Variants in PPM1E observed in about 807,000 individuals in gnomAD.
PPM1E encodes protein phosphatase 1E.
A neutral mutation model predicts 65.9 loss-of-function variants in PPM1E; 20 were observed. The ratio of observed to expected loss-of-function variants is 0.30; its 90% CI spans 0.21 to 0.44. The LOEUF is 0.44. Ranked by LOEUF, PPM1E falls within the 20% of genes least tolerant of loss-of-function variation. PPM1E has a pLI of 1.00. For synonymous variants in PPM1E, 352 were observed against 374.9 expected (o/e 0.94, Z 0.70); for missense variants, 713 against 953.1 (o/e 0.75, Z 3.32).
At position 58,763,407 on chromosome 17, in the gene PPM1E, T is replaced by C. The variant is rs544560806; in HGVS notation, c.464+6946T>C. 3.9e-5 allele frequency among the ~76,000 whole-genome samples: 6 copies of C among 152,234 alleles called. No individual in the cohort carries two copies. In the South Asian group the frequency reaches 1.2e-3, roughly 32 times the overall value. Reference sequence around the variant, plus strand: ...CATTTTCCATTGGCTAGAATTCAAGTCATATGACACCACCTGGGACCTACA... The same window carrying C: ...CATTTTCCATTGGCTAGAATTCAAGCCATATGACACCACCTGGGACCTACA... On this transcript the variant is annotated intron_variant, in intron 1 of 6. Transcript: ENST00000308249.
chr17:58,929,437 T>C (rs1325398140), intron 1 of PPM1E, among the ~76,000 whole-genome samples: 1 of 152,220 alleles, frequency 6.6e-6, no homozygotes, highest in Non-Finnish European at 1.5e-5. Flanking sequence ...TGTTTTATTA[T>C]ATGTAAATTT....
At chr17:58,790,231 ATT>A (rs930640880) in intron 1 of PPM1E, among the ~76,000 whole-genome samples, 1 of 146,292 alleles carries the variant, frequency 6.8e-6, no homozygotes. Context: ...GCTAATTAAA[ATT>A]TTTTTTTTTT....
intron 1 of PPM1E, among the ~76,000 whole-genome samples, chr17:58,799,119 C>T (rs1318394136): frequency 2.6e-5 from 4 of 152,090 alleles, no homozygotes; most frequent in Admixed American, 6.6e-5. Context: ...GTTGTTCTGG[C>T]GCTATTTGTT....
At chr17:58,910,469 T>A (rs2051614395) in intron 1 of PPM1E, among the ~76,000 whole-genome samples, 1 of 152,198 alleles carries the variant, frequency 6.6e-6, no homozygotes, top group Non-Finnish European at 1.5e-5. Context: ...GGTATGATAA[T>A]CCCAACCTCT....
intron 1 of PPM1E, among the ~76,000 whole-genome samples, chr17:58,895,187 A>T (rs1340193061): frequency 6.6e-6 from 1 of 152,084 alleles, no homozygotes; most frequent in African/African-American, 2.4e-5. Context: ...GAACTTAATA[A>T]ATATTGTGTG....
intron 6 of PPM1E, among the ~76,000 whole-genome samples, chr17:58,978,530 G>C (rs1263716889): frequency 6.6e-6 from 1 of 152,040 alleles, no homozygotes; most frequent in African/African-American, 2.4e-5. Flanking sequence ...GGCCAATATG[G>C]TGAAACCCCG....
At chr17:58,949,891 C>A (rs2052212736) in intron 1 of PPM1E, among the ~76,000 whole-genome samples, 1 of 152,112 alleles carries the variant, frequency 6.6e-6, no homozygotes, top group African/African-American at 2.4e-5. Context: ...ATATTCTTGG[C>A]TAGCTGAGTT....
At chr17:58,872,743 C>T (rs767191102) in intron 1 of PPM1E, among the ~76,000 whole-genome samples, 51 of 152,152 alleles carry the variant, frequency 3.4e-4, no homozygotes, top group Non-Finnish European at 5.6e-4. Context: ...ACCCCAAACA[C>T]GTGGGAGCAA....
At chr17:58,968,669 T>C (rs890955501) in intron 3 of PPM1E, among the ~76,000 whole-genome samples, 1 of 152,170 alleles carries the variant, frequency 6.6e-6, no homozygotes, top group Non-Finnish European at 1.5e-5. Flanking sequence ...CAGGACTCAG[T>C]GCGAGTTCAG....
intron 1 of PPM1E, among the ~76,000 whole-genome samples, chr17:58,881,269 C>T (rs536784487): frequency 6.6e-6 from 1 of 152,334 alleles, no homozygotes; most frequent in African/African-American, 2.4e-5. Flanking sequence ...TGGCTCATCC[C>T]TGTAATCGCA....
At chr17:58,778,178 C>A (rs1213610734) in intron 1 of PPM1E, among the ~76,000 whole-genome samples, 1 of 152,048 alleles carries the variant, frequency 6.6e-6, no homozygotes, top group African/African-American at 2.4e-5. Context: ...CGGCTCCCTG[C>A]AAACTCCGCC....
At chr17:58,965,491 C>A (rs1310425977) in intron 2 of PPM1E, among the ~76,000 whole-genome samples, 1 of 152,106 alleles carries the variant, frequency 6.6e-6, no homozygotes, top group Non-Finnish European at 1.5e-5. Flanking sequence ...TATTTAGTGG[C>A]AGCTGCAGGC....
At chr17:58,876,540 A>G (rs1454368896) in intron 1 of PPM1E, among the ~76,000 whole-genome samples, 1 of 152,174 alleles carries the variant, frequency 6.6e-6, no homozygotes, top group East Asian at 1.9e-4. Flanking sequence ...ATACTGGCAA[A>G]CTAAAAATAT....
chr17:58,866,174 T>G (rs543073185), intron 1 of PPM1E, among the ~76,000 whole-genome samples: 2 of 152,340 alleles, frequency 1.3e-5, no homozygotes, highest in South Asian at 2.1e-4. Flanking sequence ...GTTAGCTTTT[T>G]TCTTGATTAG....
intron 1 of PPM1E, among the ~76,000 whole-genome samples, chr17:58,849,946 T>A (rs1394384188): frequency 6.6e-6 from 1 of 152,238 alleles, no homozygotes; most frequent in Admixed American, 6.5e-5. Flanking sequence ...GAACTTGCTT[T>A]ATGAATCTGG....
intron 1 of PPM1E, among the ~76,000 whole-genome samples, chr17:58,882,831 C>A (rs1250018292): frequency 6.6e-6 from 1 of 151,996 alleles, no homozygotes; most frequent in African/African-American, 2.4e-5. Flanking sequence ...TTATGTCTGT[C>A]ATCAAAATTC....
At chr17:58,936,416 G>A (rs2051981127) in intron 1 of PPM1E, among the ~76,000 whole-genome samples, 1 of 152,250 alleles carries the variant, frequency 6.6e-6, no homozygotes, top group South Asian at 2.1e-4. Context: ...GGGCTGAGAT[G>A]AGGCTGCTCC....
intron 1 of PPM1E, among the ~76,000 whole-genome samples, chr17:58,888,296 G>GT (rs56794340): frequency 1.9e-4 from 28 of 145,624 alleles, no homozygotes; most frequent in Admixed American, 3.5e-4. Flanking sequence ...AACTTCGTCT[G>GT]TTTTTTTTTT....
At chr17:58,905,400 G>C (rs1306068314) in intron 1 of PPM1E, among the ~76,000 whole-genome samples, 1 of 152,084 alleles carries the variant, frequency 6.6e-6, no homozygotes, top group East Asian at 1.9e-4. Context: ...GGTTAACTGA[G>C]AGTTTTTATC....
Sources: gnomAD v4.1 joint callset for allele counts (sites outside exome capture counted in the v4.1 genomes callset) on GRCh38, gnomAD v4.1.1 for gene constraint, MANE v1.5 for transcripts, NCBI Gene and HGNC (gene_info 2026-07-23, HGNC 2026-07-21) for gene names.